Variants in CAPN3 observed in about 807,000 individuals in gnomAD.
The protein encoded by CAPN3 is calpain-3.
CAPN3 carries 88 observed loss-of-function variants against 114.0 expected under a neutral mutation model. The ratio of observed to expected loss-of-function variants is 0.77; its 90% confidence interval spans 0.65 to 0.92. CAPN3 has a LOEUF of 0.92. Among genes scored for constraint, CAPN3 ranks in the 40% least tolerant of loss-of-function variants. The pLI, the probability that CAPN3 is intolerant of heterozygous loss-of-function variation, is 0.00. For missense variants in CAPN3, 1,028 were observed against 1,069.0 expected (o/e 0.96, Z 0.53); for synonymous variants, 386 against 382.9 (o/e 1.01, Z -0.09).
intron 13 of CAPN3, among the ~76,000 whole-genome samples, 182 bp downstream of exon 13, chr15:42,403,184 A>G (rs1354821568): frequency 3.9e-5 from 6 of 152,136 alleles, no homozygotes; most frequent in East Asian, 1.9e-4. Context: ...AGCACCTACT[A>G]TGTTCCAGGC....
At chr15:42,402,766 T>A in intron 12 of CAPN3, 28 bp from the exon 13 acceptor site, 1 of 1,611,240 alleles carries the variant, frequency 6.2e-7, no homozygotes, top group East Asian at 2.2e-5. Context: ...GAGGGGCTCA[T>A]GTGCCCTGGG....
At position 42,409,944 on chromosome 15, in the gene CAPN3, GAC is replaced by G. The variant is rs1555423046; in HGVS notation, c.2069_2070del (p.His690ArgfsTer9). 4.3e-6 allele frequency: 7 copies of G among 1,612,528 alleles called. No homozygotes were observed. Among genetic ancestry groups the G allele is most frequent in the East Asian group, 2.2e-5 (1 of 44,872 alleles). On this transcript the variant is annotated frameshift_variant, in exon 19 of 24. Transcript: ENST00000397163. LOFTEE classifies it high-confidence loss of function. Reference sequence around the variant, plus strand: ...CCATCCCCCCAGACAAGGACCTGAAGACACACGGGTTCACACTGGAGTCCTGC... The same window carrying G: ...CCATCCCCCCAGACAAGGACCTGAAGACACGGGTTCACACTGGAGTCCTGC... ...TVVNKHKDLK[T>X]HGFTLESCRS...
chr15:42,396,775 C>G, intron 8 of CAPN3, 25 bp from the exon 9 acceptor site: 1 of 1,596,870 alleles, frequency 6.3e-7, no homozygotes, highest in Non-Finnish European at 8.6e-7. Context: ...TTCCTGCTTC[C>G]TTAATTCCTC....
At chr15:42,369,651 A>G (rs959819204) in intron 1 of CAPN3, among the ~76,000 whole-genome samples, 35 of 152,082 alleles carry the variant, frequency 2.3e-4, no homozygotes, top group Non-Finnish European at 5.9e-5. Context: ...ACGTTGCTCC[A>G]TTAATCTTTT....
rs2054188610 is a variant in CAPN3, at chr15:42,410,668, T to G, written c.2263+2T>G. The G allele has an allele frequency of 6.2e-7, 1 of 1,609,196 alleles. No individual in the cohort carries two copies. The highest frequency in any genetic ancestry group is 1.4e-5 in the African/African-American group (1 of 73,664). On this transcript the variant is annotated splice_donor_variant, in intron 21 of 23. Transcript: ENST00000397163. LOFTEE classifies it high-confidence loss of function. ...TGCGAAATGCAGTCAACGACGCAGG[T>G]GCTGAGAAGGAAGGGGTGGCAGGGA...
chr15:42,366,827 TC>T (rs1378195040), intron 1 of CAPN3, among the ~76,000 whole-genome samples: 24 of 135,468 alleles, frequency 1.8e-4, no homozygotes, highest in African/African-American at 7.9e-4. Context: ...TTCTTTTTTT[TC>T]TTTTTTTTTT....
intron 1 of CAPN3, among the ~76,000 whole-genome samples, chr15:42,366,289 C>T (rs1431831925): frequency 6.6e-6 from 1 of 152,202 alleles, no homozygotes; most frequent in African/African-American, 2.4e-5. Flanking sequence ...CTCTTTCTTT[C>T]TTCCGTGCTG....
intron 3 of CAPN3, 46 bp from the exon 4 acceptor site, chr15:42,387,707 A>G: frequency 1.2e-6 from 2 of 1,612,812 alleles, no homozygotes; most frequent in East Asian, 2.2e-5. Context: ...CACATTTCCT[A>G]ACAGTAATTT....
At position 42,407,897 on chromosome 15, in the gene CAPN3, G is replaced by GA. The variant is rs367758932; in HGVS notation, c.1801-304dup. ...TTAATTTGAACAGTGTTTCCATCTGGAAAAAAAAAAGTCTACAAAATACTT... is the reference window on the plus strand; with the variant it reads ...TTAATTTGAACAGTGTTTCCATCTGGAAAAAAAAAAAGTCTACAAAATACTT... On this transcript the variant is annotated intron_variant, in intron 15 of 23. Coordinates refer to ENST00000397163, the MANE Select transcript of CAPN3 (RefSeq NM_000070.3). Among the ~76,000 whole-genome samples the GA allele has an allele frequency of 0.011, 1,614 of 148,652 alleles. 29 individuals are homozygous for GA. Among genetic ancestry groups the GA allele is most frequent in the African/African-American group, 0.037 (1,517 of 40,634 alleles).
At chr15:42,404,066 ATG>A (rs2053951160) in intron 14 of CAPN3, 2 of 555,126 alleles carry the variant, frequency 3.6e-6, no homozygotes, top group African/African-American at 3.7e-5. Flanking sequence ...ACAGGAAGGG[ATG>A]ACAAGAGCCG....
intron 8 of CAPN3, among the ~76,000 whole-genome samples, chr15:42,395,702 A>ATGATGGAGACTTG (rs1305926911): frequency 6.6e-6 from 1 of 152,184 alleles, no homozygotes; most frequent in Non-Finnish European, 1.5e-5. Context: ...TGATGCTGCC[A>ATGATGGAGACTTG]TCACAGGGGC....
intron 8 of CAPN3, among the ~76,000 whole-genome samples, chr15:42,396,241 ATTT>A (rs554769961): frequency 2.4e-5 from 3 of 125,746 alleles, no homozygotes; most frequent in Admixed American, 8.0e-5. Context: ...TCCAGAACCC[ATTT>A]TTTTTTTTTT....
At chr15:42,363,159 TACTC>T (rs2052689020) in intron 1 of CAPN3, among the ~76,000 whole-genome samples, 1 of 152,208 alleles carries the variant, frequency 6.6e-6, no homozygotes. Context: ...TCTCTTCTCT[TACTC>T]ACCAGTGCTA....
intron 12 of CAPN3, 96 bp downstream of exon 12, chr15:42,402,231 G>T: frequency 1.2e-6 from 2 of 1,606,546 alleles, no homozygotes; most frequent in Non-Finnish European, 1.7e-6. Context: ...GGTGGGGTTT[G>T]TGGGCAGGAC....
chr15:42,391,155 T>A (rs566413362), intron 6 of CAPN3, among the ~76,000 whole-genome samples: 5 of 152,224 alleles, frequency 3.3e-5, no homozygotes, highest in Non-Finnish European at 7.3e-5. Context: ...AGCTACACAA[T>A]ATTCAAACAC....
intron 8 of CAPN3, among the ~76,000 whole-genome samples, chr15:42,395,210 T>C (rs1189367340): frequency 1.3e-5 from 2 of 152,206 alleles, no homozygotes; most frequent in African/African-American, 4.8e-5. Context: ...TGTGAACCCA[T>C]AGCCTCCCTT....
rs751312647 is a variant in CAPN3, at chr15:42,400,424, A to G, written c.1354+772A>G. 1.4e-4 allele frequency among the ~76,000 whole-genome samples: 21 copies of G among 152,182 alleles called. 1 individual carries two copies. Among genetic ancestry groups the G allele is most frequent in the Non-Finnish European group, 2.5e-4 (17 of 68,030 alleles). ...AAGATTCCCAGTTGGGGACCTGACAACATTGCAACATAAGACACACAAGAA... is the reference window on the plus strand; with the variant it reads ...AAGATTCCCAGTTGGGGACCTGACAGCATTGCAACATAAGACACACAAGAA... On this transcript the variant is annotated intron_variant, in intron 10 of 23. Transcript: ENST00000397163.
chr15:42,378,964 T>C (rs553061370), intron 1 of CAPN3, among the ~76,000 whole-genome samples: 34 of 152,344 alleles, frequency 2.2e-4, no homozygotes, highest in Non-Finnish European at 4.1e-4. Flanking sequence ...CTTTTTGTTA[T>C]TGATTTCGAG....
At chr15:42,384,311 C>G (rs1399903757) in intron 1 of CAPN3, among the ~76,000 whole-genome samples, 172 bp from the exon 2 acceptor site, 1 of 152,142 alleles carries the variant, frequency 6.6e-6, no homozygotes, top group East Asian at 1.9e-4. Context: ...ACTCGAGAGG[C>G]TGAGGCAGGA....
Sources: allele counts gnomAD v4.1 joint callset (sites outside exome capture counted in the v4.1 genomes callset), GRCh38; gene constraint gnomAD v4.1.1; transcripts MANE v1.5; gene names NCBI Gene and HGNC (gene_info 2026-07-23, HGNC 2026-07-21).